CCDC198: variants seen among roughly 807,000 people sequenced by gnomAD.
CCDC198 encodes the protein coiled-coil domain containing 198, also known as factor associated with metabolism and energy.
Under a neutral mutation model 35.6 loss-of-function variants are expected in CCDC198, and 18 were observed. That is an observed-to-expected ratio of 0.51 (90% CI 0.35 to 0.75). The LOEUF is 0.75. Among genes scored for constraint, CCDC198 ranks in the 30% least tolerant of loss-of-function variants. CCDC198 has a pLI of 0.01. For synonymous variants in CCDC198, 119 were observed against 113.4 expected, an observed-to-expected ratio of 1.05 and a Z score of -0.31; for missense variants, 365 against 343.7, an observed-to-expected ratio of 1.06 and a Z score of -0.49.
At chr14:57,479,872 T>C (rs995133949) in intron 5 of CCDC198, among the ~76,000 whole-genome samples, 3 of 152,096 alleles carry the variant, frequency 2.0e-5, no homozygotes, top group African/African-American at 2.4e-5. Context: ...AAGTGAATCA[T>C]TGATGGATGG....
Position 57,483,020 on chromosome 14 carries a change from C to T in CCDC198, c.393+45G>A, listed in dbSNP as rs373797820. The stretch of plus-strand genomic sequence containing the variant: ...GCTCCAGTGCCCCAATCCTGTGTCG[C>T]CCACCCCCAGTTCACCTCCCTGTCA... On this transcript the variant is annotated intron_variant, in intron 3 of 5. Coordinates refer to ENST00000216445, the MANE Select transcript of CCDC198 (RefSeq NM_018168.4). 3.6e-5 allele frequency: 58 copies of T among 1,612,944 alleles called. No homozygotes were observed. The African/African-American group carries it at 7.2e-4, about 20-fold the overall frequency.
intron 1 of CCDC198, among the ~76,000 whole-genome samples, chr14:57,493,129 G>C (rs2067632015): frequency 6.6e-6 from 1 of 152,102 alleles, no homozygotes; most frequent in Non-Finnish European, 1.5e-5. Flanking sequence ...TTTAAATTTA[G>C]AATCTAACTG....
chr14:57,469,361 A>G lies in CCDC198; in HGVS notation c.*1994T>C, dbSNP rs1152532. ...TGCCAGCTGTCCTGCTAGGAAGCAGAAATACCATACAAAGAAGACATGGTT... is the reference window on the plus strand; with the variant it reads ...TGCCAGCTGTCCTGCTAGGAAGCAGGAATACCATACAAAGAAGACATGGTT... On this transcript the variant is annotated 3_prime_UTR_variant, in exon 6 of 6. Transcript: ENST00000216445. 137,618 of 152,252 alleles carry G rather than the reference A, an allele frequency of 0.9. 63,862 individuals carry two copies. The highest frequency in any genetic ancestry group is 1 in the East Asian group (5,180 of 5,180). The allele number at this position is 152,252 out of a possible 1,614,324, so 9.4% of individuals were successfully genotyped here.
At chr14:57,474,742 A>G (rs74949296) in intron 5 of CCDC198, among the ~76,000 whole-genome samples, 1,555 of 152,336 alleles carry the variant, frequency 0.01, 28 homozygotes, top group African/African-American at 0.036. Flanking sequence ...TTAAAAACCT[A>G]AATGGGTTTC....
chr14:57,484,419 G>C (rs922038658), intron 2 of CCDC198, among the ~76,000 whole-genome samples: 4 of 152,176 alleles, frequency 2.6e-5, no homozygotes, highest in Non-Finnish European at 5.9e-5. Flanking sequence ...AAAGCTAGGA[G>C]AGAGTCGTGG....
chr14:57,474,722 AAC>A (rs1430619720), intron 5 of CCDC198, among the ~76,000 whole-genome samples: 1 of 152,224 alleles, frequency 6.6e-6, no homozygotes, highest in African/African-American at 2.4e-5. Flanking sequence ...AAAAAATAAA[AAC>A]ACAGTGTTTA....
intron 2 of CCDC198, among the ~76,000 whole-genome samples, chr14:57,485,534 C>T (rs890726532): frequency 3.9e-5 from 6 of 152,160 alleles, no homozygotes; most frequent in South Asian, 2.1e-4. Flanking sequence ...GTTAACTTGG[C>T]TTTCAAGGTG....
intron 2 of CCDC198, among the ~76,000 whole-genome samples, chr14:57,485,889 T>C (rs1342995602): frequency 6.6e-6 from 1 of 152,194 alleles, no homozygotes; most frequent in Non-Finnish European, 1.5e-5. Context: ...TCTTTTAACA[T>C]AACTTAGCAA....
rs201357909 is a variant in CCDC198 at position 57,493,636 on chromosome 14, G to C, written c.80C>G (p.Ser27Trp). 2 of 1,613,932 alleles carry C rather than the reference G, an allele frequency of 1.2e-6. No individual in the cohort carries two copies. Among genetic ancestry groups the C allele is most frequent in the Admixed American group, 1.7e-5 (1 of 59,966 alleles). Residue 27 changes from serine (S) to tryptophan (W), a missense_variant, in exon 1 of 6, where the codon TCG (serine) becomes TGG (tryptophan). Transcript: ENST00000216445. ...PLQNKEVETP[S>W]AGRVDFAFNQ... is the part of the protein sequence containing the mutation. ...GAATGCAAAGTCCACACGGCCAGCC[G>C]AGGGAGTCTCTACCTCTTTGTTTTG...
chr14:57,471,465 A>G lies in CCDC198; in HGVS notation c.781T>C (p.Ser261Pro), dbSNP rs1025979974. The G allele has an allele frequency of 6.2e-7, 1 of 1,614,020 alleles. No individual in the cohort carries two copies. The highest frequency in any genetic ancestry group is 8.5e-7 in the Non-Finnish European group (1 of 1,179,988). The part of the protein sequence containing the change: ...EAQGQLLWDS[S>P]SSDSDEQGKD... ...CCCTGCTCATCTGAGTCAGAGCTGG[A>G]ACTGTCCCAGAGAAGCTGTCCCTGG... is the stretch of plus-strand genomic sequence containing the variant. The change falls in exon 6 of 6, where the codon TCC becomes CCC. Residue 261 changes from serine (S) to proline (P), a missense_variant. By Grantham distance (74) the Ser-to-Pro change is moderately conservative. Coordinates refer to ENST00000216445, the MANE Select transcript of CCDC198 (RefSeq NM_018168.4).
rs187456030 is a variant in CCDC198 at position 57,472,547 on chromosome 14, A to G, written c.656-957T>C. 1.5e-3 allele frequency among the ~76,000 whole-genome samples: 233 copies of G among 152,312 alleles called. 1 individual carries two copies. The highest frequency in any genetic ancestry group is 5.4e-3 in the South Asian group (26 of 4,826). On this transcript the variant is annotated intron_variant, in intron 5 of 5. Coordinates refer to ENST00000216445, the MANE Select transcript of CCDC198 (RefSeq NM_018168.4). ...TAGACACATAATATATACTTCTGAC[A>G]TTCACATCAACTCTGGCTTCATAGC...
At chr14:57,491,335 C>T in intron 1 of CCDC198, among the ~76,000 whole-genome samples, 1 of 151,982 alleles carries the variant, frequency 6.6e-6, no homozygotes, top group East Asian at 1.9e-4. Context: ...GGGAGAGTTA[C>T]AAAATTACCA....
At chr14:57,472,726 C>T (rs1185103490) in intron 5 of CCDC198, among the ~76,000 whole-genome samples, 2 of 152,120 alleles carry the variant, frequency 1.3e-5, no homozygotes, top group Admixed American at 6.5e-5. Flanking sequence ...TATTTATGTG[C>T]ATATGTATTT....
chr14:57,480,526 T>G, intron 5 of CCDC198, 69 bp downstream of exon 5: 1 of 1,550,676 alleles, frequency 6.4e-7, no homozygotes, highest in Non-Finnish European at 8.8e-7. Flanking sequence ...TGTCCCTCCC[T>G]TGGTAGTTTA....
At chr14:57,471,637 T>G (rs1428928774) in intron 5 of CCDC198, 47 bp from the exon 6 acceptor site, 15 of 1,099,696 alleles carry the variant, frequency 1.4e-5, no homozygotes, top group Non-Finnish European at 1.7e-5. Flanking sequence ...AGCAATGATT[T>G]ATTTGTTTAT....
At chr14:57,480,882 A>T in intron 4 of CCDC198, 128 bp from the exon 5 acceptor site, 1 of 900,074 alleles carries the variant, frequency 1.1e-6, no homozygotes, top group Non-Finnish European at 1.7e-6. Context: ...TAACCAGAAC[A>T]TGGTTTTCTT....
At chr14:57,482,580 G>A (rs1326106247) in intron 3 of CCDC198, among the ~76,000 whole-genome samples, 1 of 152,178 alleles carries the variant, frequency 6.6e-6, no homozygotes. Context: ...AACATTATAA[G>A]TGCATAGCAG....
chr14:57,490,014 C>A (rs1423553587), intron 2 of CCDC198, among the ~76,000 whole-genome samples: 1 of 152,048 alleles, frequency 6.6e-6, no homozygotes, highest in Non-Finnish European at 1.5e-5. Flanking sequence ...AAAAGATACT[C>A]TTTTGAGACA....
At chr14:57,475,788 CTTTTTTTTTTTTTTTTTTTTT>C (rs548486752) in intron 5 of CCDC198, 2 of 103,564 alleles carry the variant, frequency 1.9e-5, no homozygotes, top group South Asian at 9.6e-5. Context: ...CACTTAGCTT[CTTTTTTTTTTTTTTTTTTTTT>C]TTTTTTTTTT....
Sources: gnomAD v4.1 joint callset for allele counts (sites outside exome capture counted in the v4.1 genomes callset) on GRCh38, gnomAD v4.1.1 for gene constraint, MANE v1.5 for transcripts, NCBI Gene and HGNC (gene_info 2026-07-23, HGNC 2026-07-21) for gene names.